RGS11: variants seen among roughly 807,000 people sequenced by gnomAD.
RGS11 encodes the protein regulator of G protein signaling 11.
Under a neutral mutation model 71.1 loss-of-function variants are expected in RGS11, and 86 were observed. The observed-to-expected ratio is 1.21, with a 90% CI of 1.02 to 1.45. The LOEUF (loss-of-function observed/expected upper bound fraction) is 1.45. Among genes scored for constraint, RGS11 ranks in the 40% most tolerant of loss-of-function variants. The probability of loss-of-function intolerance (pLI) is 0.00; values close to 1 mark genes in which losing one functional copy is unlikely to be tolerated. For missense variants in RGS11, 734 were observed against 635.1 expected (o/e 1.16, Z -1.67); for synonymous variants, 298 against 254.2 (o/e 1.17, Z -1.64).
At chr16:274,862 G>T in intron 4 of RGS11, 114 bp downstream of exon 4, 1 of 1,394,534 alleles carries the variant, frequency 7.2e-7, no homozygotes, top group Non-Finnish European at 9.8e-7. Flanking sequence ...CGACATGGCG[G>T]AGTCCCACTC....
rs1213390765 is a variant in RGS11 at position 273,468 on chromosome 16, G to C, written c.588+7C>G. ...GCGACCCCCACCCTCACCGCAGGTG[G>C]GCTCACCGGGGGCCTGTTCACCAGC... On this transcript the variant is annotated splice_region_variant and intron_variant, in intron 8 of 16. Transcript: ENST00000397770. The C allele has an allele frequency of 2.6e-6, 4 of 1,547,354 alleles. No homozygotes were observed. Among genetic ancestry groups the C allele is most frequent in the Non-Finnish European group, 2.6e-6 (3 of 1,145,636 alleles).
At position 270,639 on chromosome 16, in the gene RGS11, C is replaced by A; in HGVS notation, c.1090G>T (p.Ala364Ser). 1 of 1,609,072 alleles carries A rather than the reference C, an allele frequency of 6.2e-7. No individual in the cohort carries two copies. Among genetic ancestry groups the A allele is most frequent in the Non-Finnish European group, 8.5e-7 (1 of 1,178,436 alleles). Residue 364 changes from alanine to serine, a missense_variant, in exon 15 of 17, where the codon GCC (alanine) becomes TCC (serine). Transcript: ENST00000397770. ...VYEQFLAPGA[A>S]HWVNIDSRTM... Reference sequence around the variant, plus strand: ...CGGCTGTCGATGTTGACCCAGTGGGCAGCTCCGGGGGCCAGGAACTGCCTA... The same window carrying A: ...CGGCTGTCGATGTTGACCCAGTGGGAAGCTCCGGGGGCCAGGAACTGCCTA...
At position 270,526 on chromosome 16, in the gene RGS11, C is replaced by T. The variant is rs1254455160; in HGVS notation, c.1203G>A (p.Lys401=). The part of the protein sequence containing the change: ...DAQLHIYMLM[K]KDSYPRFLKS... The stretch of plus-strand genomic sequence containing the variant: ...TGCAGGCTGGCCCAGCACCCACCTT[C>T]TTCATGAGCATGTATATGTGCAGCT... The change falls in exon 15 of 17, where the codon AAG becomes AAA. Residue 401 remains lysine, a synonymous_variant. Coordinates refer to ENST00000397770, the MANE Select transcript of RGS11 (RefSeq NM_183337.3). 1.9e-6 allele frequency: 3 copies of T among 1,604,442 alleles called. No homozygotes were observed. The South Asian group carries it at 3.3e-5, about 18-fold the overall frequency.
At position 272,759 on chromosome 16, in the gene RGS11, G is replaced by C; in HGVS notation, c.657+104C>G. ...GGGGAGGCTGCACCAAGTGCCCTCT[G>C]GGTGGACCAAATGACGGACAGATGG... is the stretch of plus-strand genomic sequence containing the variant. On this transcript the variant is annotated intron_variant, in intron 9 of 16. Transcript: ENST00000397770. The C allele has an allele frequency of 2.0e-6, 3 of 1,524,422 alleles. No homozygotes were observed. The South Asian group carries it at 3.6e-5, about 19-fold the overall frequency. 94.4% of individuals were successfully genotyped at this position (1,524,422 alleles called of 1,614,324 possible).
rs1419225037 is a variant in RGS11 at position 270,835 on chromosome 16, G to C, written c.980-4C>G. 2 of 1,609,592 alleles carry C rather than the reference G, an allele frequency of 1.2e-6. No individual in the cohort carries two copies. The highest frequency in any genetic ancestry group is 3.4e-5 in the Admixed American group (2 of 59,502). The stretch of plus-strand genomic sequence containing the variant: ...TCCCAGAAGCTGAGGTTTTCTCCTG[G>C]GGGGCCGGGCACCCAGTCAAGGATC... On this transcript the variant is annotated splice_region_variant and splice_polypyrimidine_tract_variant and intron_variant, in intron 13 of 16. Transcript: ENST00000397770.
Position 270,845 on chromosome 16 carries a change from C to A in RGS11, c.980-14G>T, listed in dbSNP as rs759298893. 2 of 1,608,026 alleles carry A rather than the reference C, an allele frequency of 1.2e-6. No individual in the cohort carries two copies. The highest frequency in any genetic ancestry group is 1.7e-6 in the Non-Finnish European group (2 of 1,178,034). On this transcript the variant is annotated splice_polypyrimidine_tract_variant and intron_variant, in intron 13 of 16. Coordinates refer to ENST00000397770, the MANE Select transcript of RGS11 (RefSeq NM_183337.3). Reference sequence around the variant, plus strand: ...TGAGGTTTTCTCCTGGGGGGCCGGGCACCCAGTCAAGGATCCCATCGAGAG... The same window carrying A: ...TGAGGTTTTCTCCTGGGGGGCCGGGAACCCAGTCAAGGATCCCATCGAGAG...
At chr16:271,668 A>G in intron 9 of RGS11, 99 bp from the exon 10 acceptor site, 1 of 1,192,758 alleles carries the variant, frequency 8.4e-7, no homozygotes, top group Non-Finnish European at 1.2e-6. Flanking sequence ...CCCCTGCCCC[A>G]TAGATCTGGC....
In RGS11 at chr16:268,673, A is replaced by G. The variant is rs2051780910; in HGVS notation, c.*596T>C. On this transcript the variant is annotated 3_prime_UTR_variant, in exon 17 of 17. Coordinates refer to ENST00000397770, the MANE Select transcript of RGS11 (RefSeq NM_183337.3). ...AAAGCAGGTGCCGGCGCACCTGTGGACAAATTCTGGAACGCGTTTGGCGAG... is the reference window on the plus strand; with the variant it reads ...AAAGCAGGTGCCGGCGCACCTGTGGGCAAATTCTGGAACGCGTTTGGCGAG... 1.6e-6 allele frequency: 2 copies of G among 1,280,898 alleles called. No homozygotes were observed. Among genetic ancestry groups the G allele is most frequent in the Non-Finnish European group, 1.1e-6 (1 of 924,336 alleles). The allele number at this position is 1,280,898 out of a possible 1,614,324, so 79.3% of individuals were successfully genotyped here.
chr16:275,156 C>G, intron 3 of RGS11, 74 bp from the exon 4 acceptor site: 2 of 1,555,126 alleles, frequency 1.3e-6, no homozygotes, highest in South Asian at 1.2e-5. Flanking sequence ...CCTCCTCTCC[C>G]CTATGTGCTC....
intron 9 of RGS11, chr16:271,891 C>G (rs1386645622): frequency 1.5e-5 from 6 of 406,990 alleles, no homozygotes; most frequent in Non-Finnish European, 2.7e-5. Context: ...GGCTGGAGTG[C>G]AGTGGTGCGA....
rs1002383218 is a variant in RGS11, at chr16:268,565, C to A, written c.*704G>T. ...TCAGGGACGCCTGGCAAGGATCCACCCTATGGAATCGGGCCTCGTCAGTGG... is the reference window on the plus strand; with the variant it reads ...TCAGGGACGCCTGGCAAGGATCCACACTATGGAATCGGGCCTCGTCAGTGG... On this transcript the variant is annotated 3_prime_UTR_variant, in exon 17 of 17. Coordinates refer to ENST00000397770, the MANE Select transcript of RGS11 (RefSeq NM_183337.3). 12 of 602,234 alleles carry A rather than the reference C, an allele frequency of 2.0e-5. No individual in the cohort carries two copies. The highest frequency in any genetic ancestry group is 1.9e-4 in the African/African-American group (10 of 53,904). The allele number at this position is 602,234 out of a possible 1,614,324, so 37.3% of individuals were successfully genotyped here.
rs527645357 is a variant in RGS11, at chr16:271,773, C to A, written c.658-204G>T. 8 of 599,576 alleles carry A rather than the reference C, an allele frequency of 1.3e-5. No individual in the cohort carries two copies. In the South Asian group the frequency reaches 1.6e-4, roughly 12 times the overall value. 37.1% of individuals were successfully genotyped at this position (599,576 alleles called of 1,614,324 possible). A position where few individuals can be genotyped will look rare whatever the true frequency, so the allele number is the denominator to read the frequency against. On this transcript the variant is annotated intron_variant, in intron 9 of 16. Transcript: ENST00000397770. The stretch of plus-strand genomic sequence containing the variant: ...AGACCTCTGGGGGCCTAAGGTCTGG[C>A]GATCTGTGGAATATTCCACGGAACC...
chr16:270,553 G>A lies in RGS11; in HGVS notation c.1176C>T (p.Ala392=), dbSNP rs1413190841. 2.5e-6 allele frequency: 4 copies of A among 1,608,776 alleles called. No homozygotes were observed. The highest frequency in any genetic ancestry group is 3.4e-6 in the Non-Finnish European group (4 of 1,178,138). The stretch of plus-strand genomic sequence containing the variant: ...TCATGAGCATGTATATGTGCAGCTG[G>A]GCGTCATCCAGGACATAGCGGTGGG... ...RQPHRYVLDD[A]QLHIYMLMKK... Residue 392 remains alanine (A), a synonymous_variant, in exon 15 of 17, where the codon GCC becomes GCT. Transcript: ENST00000397770.
chr16:272,364 T>C (rs929581351), intron 9 of RGS11: 1 of 1,290,482 alleles, frequency 7.7e-7, no homozygotes, highest in Non-Finnish European at 1.0e-6. Flanking sequence ...TAAGAAGTTT[T>C]ATCAGTGAGG....
intron 9 of RGS11, 82 bp from the exon 10 acceptor site, chr16:271,651 G>T: frequency 7.4e-7 from 1 of 1,356,496 alleles, no homozygotes; most frequent in Non-Finnish European, 1.1e-6. Flanking sequence ...CACCTCCCCA[G>T]GCTGAGCCCC....
chr16:268,391 T>G lies in RGS11; in HGVS notation c.*878A>C, dbSNP rs2051767099. 6 of 308,810 alleles carry G rather than the reference T, an allele frequency of 1.9e-5. No individual in the cohort carries two copies. The highest frequency in any genetic ancestry group is 1.7e-4 in the South Asian group (5 of 29,074). 19.1% of individuals were successfully genotyped at this position (308,810 alleles called of 1,614,324 possible). On this transcript the variant is annotated 3_prime_UTR_variant, in exon 17 of 17. Transcript: ENST00000397770. Reference sequence around the variant, plus strand: ...ACTGGATGTGAGCCAGCCCTATGGGTGGGGATGGCACCGCCCTACCGCCGA... The same window carrying G: ...ACTGGATGTGAGCCAGCCCTATGGGGGGGGATGGCACCGCCCTACCGCCGA...
At position 268,642 on chromosome 16, in the gene RGS11, G is replaced by T; in HGVS notation, c.*627C>A. 1.2e-6 allele frequency: 1 copy of T among 857,424 alleles called. No homozygotes were observed. Among genetic ancestry groups the T allele is most frequent in the South Asian group, 1.6e-5 (1 of 60,962 alleles). 53.1% of individuals were successfully genotyped at this position (857,424 alleles called of 1,614,324 possible). A position where few individuals can be genotyped will look rare whatever the true frequency, so the allele number is the denominator to read the frequency against. Reference sequence around the variant, plus strand: ...ATCGGGGGGGAGGCCGCGGCCTCGAGGTGGGAAAGCAGGTGCCGGCGCACC... The same window carrying T: ...ATCGGGGGGGAGGCCGCGGCCTCGATGTGGGAAAGCAGGTGCCGGCGCACC... On this transcript the variant is annotated 3_prime_UTR_variant, in exon 17 of 17. Coordinates refer to ENST00000397770, the MANE Select transcript of RGS11 (RefSeq NM_183337.3).
In RGS11 at chr16:275,006, G is replaced by T; in HGVS notation, c.288C>A (p.Leu96=). The T allele has an allele frequency of 6.5e-7, 1 of 1,534,732 alleles. No homozygotes were observed. Among genetic ancestry groups the T allele is most frequent in the South Asian group, 1.2e-5 (1 of 80,462 alleles). The change falls in exon 4 of 17, where the codon CTC becomes CTA. Residue 96 remains leucine (L), a synonymous_variant. Transcript: ENST00000397770. ...ACCTGTAGGGCGTCTCGTCTGGCCG[G>T]AGCATGAGGCTACGGGGGTCGCGCA... is the stretch of plus-strand genomic sequence containing the variant. ...YPLRDPRSLM[L]RPDETPYRFQ...
rs892874765 is a variant in RGS11, at chr16:271,841, CT to C, written c.658-273del. 7 of 538,112 alleles carry C rather than the reference CT, an allele frequency of 1.3e-5. No individual in the cohort carries two copies. In the African/African-American group the frequency reaches 1.3e-4, roughly 10 times the overall value. The allele number at this position is 538,112 out of a possible 1,614,324, so 33.3% of individuals were successfully genotyped here. Reference sequence around the variant, plus strand: ...CAACTGTAATATGTCATTTTTTTTTCTTTATTATTTTTTTGAGACAGTTTCA... The same window carrying C: ...CAACTGTAATATGTCATTTTTTTTTCTTATTATTTTTTTGAGACAGTTTCA... On this transcript the variant is annotated intron_variant, in intron 9 of 16. Transcript: ENST00000397770.
Sources: allele counts gnomAD v4.1 joint callset, GRCh38; gene constraint gnomAD v4.1.1; transcripts MANE v1.5; gene names NCBI Gene and HGNC (gene_info 2026-07-23, HGNC 2026-07-21).